Variants in SHANK1 observed in about 807,000 individuals in gnomAD.
SHANK1 encodes SH3 and multiple ankyrin repeat domains 1.
SHANK1 carries 35 observed loss-of-function variants against 165.6 expected under a neutral mutation model. The ratio of observed to expected loss-of-function variants is 0.21; its 90% CI spans 0.16 to 0.28. The LOEUF is 0.28. Among genes scored for constraint, SHANK1 ranks in the 10% least tolerant of loss-of-function variants. The probability of loss-of-function intolerance (pLI) is 1.00; values close to 1 mark genes in which losing one functional copy is unlikely to be tolerated. For synonymous variants in SHANK1, 1,428 were observed against 1,384.8 expected (o/e 1.03, Z -0.69); for missense variants, 2,681 against 3,036.4 (o/e 0.88, Z 2.75).
chr19:50,700,170 T>C (rs1237547521), intron 12 of SHANK1, among the ~76,000 whole-genome samples: 1 of 121,320 alleles, frequency 8.2e-6, no homozygotes, highest in African/African-American at 3.3e-5. Flanking sequence ...CACTGGAAGA[T>C]TGGAGGGCTT....
chr19:50,718,192 G>C lies in SHANK1; in HGVS notation c.-44+1214C>G, dbSNP rs1004122234. ...GAGGAGAGTTCCAGGAGGTGTGGGC[G>C]AGCGAGCCTCTAACCCAGGGCCGGC... On this transcript the variant is annotated intron_variant, in intron 1 of 23. Coordinates refer to ENST00000293441, the MANE Select transcript of SHANK1 (RefSeq NM_016148.5). The surrounding 1 kb of genome is among the most constrained non-coding windows in gnomAD (Gnocchi z 5.1). 6.6e-6 allele frequency among the ~76,000 whole-genome samples: 1 copy of C among 152,144 alleles called. No individual in the cohort carries two copies. The highest frequency in any genetic ancestry group is 1.5e-5 in the Non-Finnish European group (1 of 68,004).
intron 15 of SHANK1, among the ~76,000 whole-genome samples, chr19:50,691,470 GC>G (rs1458809083): frequency 2.0e-5 from 3 of 151,218 alleles, no homozygotes; most frequent in Non-Finnish European, 4.4e-5. Flanking sequence ...AATCTCTCTT[GC>G]CCCCTCATCA....
chr19:50,673,586 GA>G (rs1330210083), intron 21 of SHANK1, among the ~76,000 whole-genome samples: 1 of 152,054 alleles, frequency 6.6e-6, no homozygotes, highest in Non-Finnish European at 1.5e-5. Context: ...CTCTTCCCCA[GA>G]AACCATCTTG....
chr19:50,669,070 C>A lies in SHANK1; in HGVS notation c.2890G>T (p.Ala964Ser). ...CCGTCAAAGGATGCAGGGGAGGAGGCGGGGAGGGGGCCACCAGAGCCAGGG... is the reference window on the plus strand; with the variant it reads ...CCGTCAAAGGATGCAGGGGAGGAGGAGGGGAGGGGGCCACCAGAGCCAGGG... Reference protein sequence around the residue: ...FNPGSGGPLPASSPASFDGPS... With the variant: ...FNPGSGGPLPSSSPASFDGPS... The change falls in exon 23 of 24, where the codon GCC (alanine) becomes TCC (serine). Residue 964 changes from alanine (A) to serine (S), a missense_variant. Ala to Ser is a moderately conservative substitution (Grantham distance 99, BLOSUM62 1). Around this residue, in one of 10 missense-constraint regions of SHANK1, gnomAD observed 1,713 missense variants for 1,630.2 expected, o/e 1.05. Transcript: ENST00000293441. 1.0e-6 allele frequency: 1 copy of A among 963,082 alleles called. No homozygotes were observed. The highest frequency in any genetic ancestry group is 1.4e-6 in the Non-Finnish European group (1 of 718,976). 59.7% of individuals were successfully genotyped at this position (963,082 alleles called of 1,614,324 possible).
At chr19:50,711,141 C>T (rs1222250489) in intron 8 of SHANK1, 2 of 537,214 alleles carry the variant, frequency 3.7e-6, no homozygotes, top group African/African-American at 1.9e-5. Context: ...TCCCCAGCAC[C>T]CAGCTCCAGG....
chr19:50,668,724 C>A lies in SHANK1; in HGVS notation c.3236G>T (p.Gly1079Val). The change falls in exon 23 of 24, where the codon GGC becomes GTC. Residue 1079 changes from glycine to valine, a missense_variant. This residue lies in a region of SHANK1 where 1,713 missense variants were observed against 1,630.2 expected (regional missense o/e 1.05). Transcript: ENST00000293441. ...SAGGGGGSSQ[G>V]PALRYFQLPP... ...CAGCTGGAAATAGCGTAGAGCCGGG[C>A]CCTGGGAGGAGCCGCCGCCCCCGCC... 4 of 1,281,850 alleles carry A rather than the reference C, an allele frequency of 3.1e-6. No individual in the cohort carries two copies. Among genetic ancestry groups the A allele is most frequent in the Non-Finnish European group, 3.9e-6 (4 of 1,020,882 alleles). The allele number at this position is 1,281,850 out of a possible 1,614,324, so 79.4% of individuals were successfully genotyped here.
At chr19:50,694,242 G>A (rs1986647679) in intron 15 of SHANK1, among the ~76,000 whole-genome samples, 1 of 151,660 alleles carries the variant, frequency 6.6e-6, no homozygotes, top group African/African-American at 2.4e-5. Context: ...CACGCACATC[G>A]ACACAGCCAC....
chr19:50,715,522 G>A lies in SHANK1; in HGVS notation c.531+137C>T, dbSNP rs371553550. 1.1e-4 allele frequency: 82 copies of A among 753,020 alleles called. 2 individuals carry two copies. The highest frequency in any genetic ancestry group is 7.1e-4 in the South Asian group (47 of 66,414). The allele number at this position is 753,020 out of a possible 1,614,324, so 46.6% of individuals were successfully genotyped here. On this transcript the variant is annotated intron_variant, in intron 4 of 23. Transcript: ENST00000293441. ...TGTGGTACAGCATCCCAAGTTAAGC[G>A]GGGGCAGTGGCCAGAGGGATCGCTG... is the stretch of plus-strand genomic sequence containing the variant.
Position 50,667,184 on chromosome 19 carries a change from C to T in SHANK1, c.4776G>A (p.Leu1592=), listed in dbSNP as rs1365034010. 1 of 1,566,698 alleles carries T rather than the reference C, an allele frequency of 6.4e-7. No homozygotes were observed. The highest frequency in any genetic ancestry group is 8.6e-7 in the Non-Finnish European group (1 of 1,163,442). Residue 1592 remains leucine (L), a synonymous_variant, in exon 23 of 24, where the codon CTG becomes CTA. Transcript: ENST00000293441. The surrounding 1 kb of genome is among the most constrained non-coding windows in gnomAD (Gnocchi z 5.7). The stretch of plus-strand genomic sequence containing the variant: ...GGGTGGCAGGGGCAGGTGTGTCGGG[C>T]AGCGGGTGGGGAGGCCCAGGCGTGA... ...SPLTPGPPHP[L]PDTPAPATPL... is the part of the protein sequence containing the mutation.
chr19:50,703,278 T>C (rs1265756470), intron 11 of SHANK1, among the ~76,000 whole-genome samples: 1 of 152,090 alleles, frequency 6.6e-6, no homozygotes, highest in Admixed American at 6.5e-5. Flanking sequence ...ACCCTCTGCC[T>C]GGGGCCCCTG....
intron 21 of SHANK1, among the ~76,000 whole-genome samples, chr19:50,685,692 C>T (rs1382172050): frequency 6.6e-6 from 1 of 151,954 alleles, no homozygotes; most frequent in Admixed American, 6.6e-5. Context: ...CCACTGCACT[C>T]CAGCCTGGGC....
chr19:50,661,023 A>G lies in SHANK1; in HGVS notation c.*942T>C, dbSNP rs1485075759. ...CTGGGGTTTTTAAGAATAAGAAGGG[A>G]AAGTGCTTCAACGTAAGAAAATGGA... is the stretch of plus-strand genomic sequence containing the variant. On this transcript the variant is annotated 3_prime_UTR_variant, in exon 24 of 24. Coordinates refer to ENST00000293441, the MANE Select transcript of SHANK1 (RefSeq NM_016148.5). 2.0e-5 allele frequency among the ~76,000 whole-genome samples: 3 copies of G among 151,906 alleles called. No individual in the cohort carries two copies. Among genetic ancestry groups the G allele is most frequent in the Non-Finnish European group, 2.9e-5 (2 of 67,968 alleles).
intron 21 of SHANK1, among the ~76,000 whole-genome samples, chr19:50,674,804 G>A (rs61488769): frequency 0.1 from 15,667 of 152,102 alleles, 1,207 homozygotes; most frequent in East Asian, 0.23. Flanking sequence ...GCTCATGCCT[G>A]TAATCCCAGC....
chr19:50,704,618 C>G (rs1258426068), intron 8 of SHANK1, 104 bp from the exon 9 acceptor site: 1 of 1,005,242 alleles, frequency 9.9e-7, no homozygotes, highest in Non-Finnish European at 1.6e-6. Flanking sequence ...AATAAATACT[C>G]CACCCTAAAC....
At chr19:50,687,499 A>T (rs573373476) in intron 19 of SHANK1, 83 bp downstream of exon 19, 1 of 1,097,696 alleles carries the variant, frequency 9.1e-7, no homozygotes, top group Non-Finnish European at 1.3e-6. Flanking sequence ...GGTCACTAAC[A>T]ACACTAACGA....
intron 21 of SHANK1, among the ~76,000 whole-genome samples, chr19:50,678,797 AGGGGTC>A (rs757282798): frequency 0.014 from 138 of 10,094 alleles, 33 homozygotes; most frequent in Non-Finnish European, 0.017. Flanking sequence ...GGTGATGGGG[AGGGGTC>A]AAGATGATGG....
At chr19:50,678,302 A>T (rs1385911683) in intron 21 of SHANK1, among the ~76,000 whole-genome samples, 1 of 152,074 alleles carries the variant, frequency 6.6e-6, no homozygotes, top group Non-Finnish European at 1.5e-5. Context: ...CAGGAAGCAC[A>T]CGGGGACTGC....
chr19:50,668,490 GTGGGGA>G lies in SHANK1; in HGVS notation c.3464_3469del (p.Ile1155_Pro1156del). On this transcript the variant is annotated inframe_deletion, in exon 23 of 24. Coordinates refer to ENST00000293441, the MANE Select transcript of SHANK1 (RefSeq NM_016148.5). ...GGTGGACGGGGCCTTGATGATGATGGTGGGGATGGGGATGGAGTTCTTCTCCGAGGG... is the reference window on the plus strand; with the variant it reads ...GGTGGACGGGGCCTTGATGATGATGGTGGGGATGGAGTTCTTCTCCGAGGG... The G allele has an allele frequency of 7.4e-7, 1 of 1,346,862 alleles. No homozygotes were observed. Among genetic ancestry groups the G allele is most frequent in the Non-Finnish European group, 9.5e-7 (1 of 1,048,766 alleles). 83.4% of individuals were successfully genotyped at this position (1,346,862 alleles called of 1,614,324 possible).
rs989627702 is a variant in SHANK1 at position 50,718,279 on chromosome 19, C to T, written c.-44+1127G>A. Among the ~76,000 whole-genome samples the T allele has an allele frequency of 1.3e-5, 2 of 151,842 alleles. No homozygotes were observed. Among genetic ancestry groups the T allele is most frequent in the Admixed American group, 6.5e-5 (1 of 15,280 alleles). ...CCCTCCCCCTCCAGGTACCCAGCCA[C>T]GCCGCCCCACCTCGTCCCTGCGGAG... On this transcript the variant is annotated intron_variant, in intron 1 of 23. Transcript: ENST00000293441. The surrounding 1 kb of genome is among the most constrained non-coding windows in gnomAD (Gnocchi z 5.1).
Sources: allele counts gnomAD v4.1 joint callset (sites outside exome capture counted in the v4.1 genomes callset), GRCh38; gene constraint gnomAD v4.1.1; regional missense constraint gnomAD v4.1.1; non-coding constraint Gnocchi (gnomAD v3.1); transcripts MANE v1.5; gene names NCBI Gene and HGNC (gene_info 2026-07-23, HGNC 2026-07-21).